Variants in PDE8B observed in about 807,000 individuals in gnomAD.
The protein encoded by PDE8B is phosphodiesterase 8B.
Under a neutral mutation model 101.3 loss-of-function variants are expected in PDE8B, and 26 were observed. That is an observed-to-expected ratio of 0.26 (90% CI 0.19 to 0.36). The LOEUF (loss-of-function observed/expected upper bound fraction) is 0.36, where lower values mean the gene tolerates loss of function less well. Among genes scored for constraint, PDE8B ranks in the 10% least tolerant of loss-of-function variants. PDE8B has a pLI of 1.00. For synonymous variants in PDE8B, 424 were observed against 429.3 expected, an observed-to-expected ratio of 0.99 and a Z score of 0.15; for missense variants, 810 against 1,163.1, an observed-to-expected ratio of 0.70 and a Z score of 4.42.
chr5:77,182,756 C>CTTT, the PDE8B span, among the ~76,000 whole-genome samples: 48 of 141,330 alleles, frequency 3.4e-4, no homozygotes, highest in African/African-American at 1.2e-3. Context: ...ATAAGCACTG[C>CTTT]TTTTTTTTTT....
At chr5:77,194,636 C>T in the PDE8B span, among the ~76,000 whole-genome samples, 1 of 152,074 alleles carries the variant, frequency 6.6e-6, no homozygotes, top group Non-Finnish European at 1.5e-5. Context: ...CTGGCAAGCA[C>T]CTGCTCTCTG....
chr5:77,343,627 A>C (rs1779614768), intron 6 of PDE8B, among the ~76,000 whole-genome samples: 1 of 152,228 alleles, frequency 6.6e-6, no homozygotes, highest in Non-Finnish European at 1.5e-5. Flanking sequence ...CATTATGTGT[A>C]TAGGACTATA....
intron 13 of PDE8B, 72 bp downstream of exon 13, chr5:77,407,529 A>G: frequency 9.4e-7 from 1 of 1,060,642 alleles, no homozygotes; most frequent in Non-Finnish European, 1.5e-6. Context: ...AAAATACATC[A>G]CACTGACATC....
intron 10 of PDE8B, chr5:77,358,426 A>G (rs1360510139): frequency 1.4e-5 from 14 of 985,044 alleles, no homozygotes; most frequent in South Asian, 9.4e-5. Context: ...TGCACCACCC[A>G]TTGGATCATT....
the PDE8B span, among the ~76,000 whole-genome samples, chr5:77,092,752 TA>T: frequency 3.3e-4 from 50 of 149,348 alleles, no homozygotes; most frequent in African/African-American, 7.1e-4. Flanking sequence ...AATCACCTCT[TA>T]AAAAAAAAAT....
In PDE8B at chr5:77,425,915, T is replaced by C; in HGVS notation, c.2548+19T>C. ...TGGGATGGTAAGACAGTTACTGTTT[T>C]GTCACCCAAAGAAAATTGTTATACT... On this transcript the variant is annotated intron_variant, in intron 21 of 21. Coordinates refer to ENST00000264917, the MANE Select transcript of PDE8B (RefSeq NM_003719.5). 6.2e-7 allele frequency: 1 copy of C among 1,610,964 alleles called. No individual in the cohort carries two copies. Among genetic ancestry groups the C allele is most frequent in the Non-Finnish European group, 8.5e-7 (1 of 1,177,234 alleles).
intron 10 of PDE8B, among the ~76,000 whole-genome samples, chr5:77,359,990 C>T (rs1371279886): frequency 6.6e-6 from 1 of 151,326 alleles, no homozygotes; most frequent in East Asian, 1.9e-4. Context: ...ACTTGGGAGG[C>T]TGAGGCAGGA....
chr5:77,245,833 A>ACCCCCCCCC (rs1561407118), intron 1 of PDE8B, among the ~76,000 whole-genome samples: 1 of 23,840 alleles, frequency 4.2e-5, no homozygotes, highest in Non-Finnish European at 6.9e-5. Flanking sequence ...CTCTCCTATA[A>ACCCCCCCCC]CCTCCTCCCC....
the PDE8B span, among the ~76,000 whole-genome samples, chr5:77,097,732 T>TATATATATATATATATATATATATAC: frequency 1.5e-5 from 1 of 65,226 alleles, no homozygotes; most frequent in African/African-American, 3.9e-5. Context: ...TATATATATA[T>TATATATATATATATATATATATATAC]ACATACATAT....
intron 1 of PDE8B, among the ~76,000 whole-genome samples, chr5:77,296,838 T>C (rs1768684331): frequency 6.6e-6 from 1 of 152,148 alleles, no homozygotes; most frequent in African/African-American, 2.4e-5. Context: ...TTTTCCTTCT[T>C]CCAGCTCTTA....
the PDE8B span, chr5:77,180,508 C>A: frequency 1.0e-6 from 1 of 984,648 alleles, no homozygotes; most frequent in African/African-American, 1.7e-5. Context: ...GCGCGGGGGA[C>A]CGCGCAGCCC....
intron 5 of PDE8B, among the ~76,000 whole-genome samples, chr5:77,333,991 C>T (rs1777637187): frequency 6.6e-6 from 1 of 152,228 alleles, no homozygotes; most frequent in African/African-American, 2.4e-5. Context: ...GTAGCTTGGG[C>T]TCATTCCAGG....
At chr5:77,335,190 A>G (rs890648234) in intron 5 of PDE8B, among the ~76,000 whole-genome samples, 27 of 152,228 alleles carry the variant, frequency 1.8e-4, no homozygotes, top group African/African-American at 6.3e-4. Flanking sequence ...CGTGATATAC[A>G]TACATATCTT....
the PDE8B span, among the ~76,000 whole-genome samples, chr5:77,190,525 C>T: frequency 6.6e-5 from 10 of 152,314 alleles, no homozygotes; most frequent in South Asian, 1.2e-3. Context: ...TATAGTTTAG[C>T]GGCCAGTACT....
At chr5:77,121,175 A>G in the PDE8B span, among the ~76,000 whole-genome samples, 2 of 152,226 alleles carry the variant, frequency 1.3e-5, no homozygotes, top group African/African-American at 4.8e-5. Context: ...AGGGTCTGCC[A>G]TGACATTATA....
At position 77,418,297 on chromosome 5, in the gene PDE8B, G is replaced by A. The variant is rs541393967; in HGVS notation, c.1980G>A (p.Pro660=). The A allele has an allele frequency of 1.2e-5, 20 of 1,613,818 alleles. No homozygotes were observed. The highest frequency in any genetic ancestry group is 4.5e-5 in the East Asian group (2 of 44,888). The part of the protein sequence containing the change: ...IAATVHDVDH[P]GRTNSFLCNA... ...CCACAGTCCATGACGTGGATCACCCGGGAAGGACCAACTCTTTCCTCTGCA... is the reference window on the plus strand; with the variant it reads ...CCACAGTCCATGACGTGGATCACCCAGGAAGGACCAACTCTTTCCTCTGCA... The change falls in exon 18 of 22, where the codon CCG becomes CCA. Residue 660 remains proline, a synonymous_variant. Coordinates refer to ENST00000264917, the MANE Select transcript of PDE8B (RefSeq NM_003719.5).
At chr5:77,425,223 T>G (rs1797777249) in intron 20 of PDE8B, among the ~76,000 whole-genome samples, 1 of 152,166 alleles carries the variant, frequency 6.6e-6, no homozygotes, top group Non-Finnish European at 1.5e-5. Flanking sequence ...AGGGGCTAAG[T>G]ACCCTGAGAT....
chr5:77,211,335 G>T lies in PDE8B; in HGVS notation c.339+71G>T. 7.0e-7 allele frequency: 1 copy of T among 1,430,132 alleles called. No individual in the cohort carries two copies. The highest frequency in any genetic ancestry group is 9.3e-7 in the Non-Finnish European group (1 of 1,070,840). The allele number at this position is 1,430,132 out of a possible 1,614,324, so 88.6% of individuals were successfully genotyped here. A position where few individuals can be genotyped will look rare whatever the true frequency, so the allele number is the denominator to read the frequency against. ...TCGGCGGGGCTCGCACGGGTAGGGG[G>T]CTCCGGCGGAGTTGGGTGACCGTGA... On this transcript the variant is annotated intron_variant, in intron 1 of 21. Coordinates refer to ENST00000264917, the MANE Select transcript of PDE8B (RefSeq NM_003719.5). The surrounding 1 kb of genome is among the most constrained non-coding windows in gnomAD (Gnocchi z 4.1).
the PDE8B span, among the ~76,000 whole-genome samples, chr5:77,165,189 G>C: frequency 6.6e-6 from 1 of 152,178 alleles, no homozygotes; most frequent in Non-Finnish European, 1.5e-5. Flanking sequence ...ATCTCTTCAA[G>C]TGCACTGATA....
Sources: gnomAD v4.1 joint callset for allele counts (sites outside exome capture counted in the v4.1 genomes callset) on GRCh38, gnomAD v4.1.1 for gene constraint, Gnocchi (gnomAD v3.1) non-coding constraint, MANE v1.5 for transcripts, NCBI Gene and HGNC (gene_info 2026-07-23, HGNC 2026-07-21) for gene names.